Variants in USP7 observed in about 807,000 individuals in gnomAD.
USP7 encodes ubiquitin C-terminal hydrolase 7.
A neutral mutation model predicts 162.9 loss-of-function variants in USP7; 9 were observed. That is an observed-to-expected ratio of 0.06 (90% CI 0.03 to 0.10). The LOEUF is 0.10. Ranked by LOEUF, USP7 falls within the 10% of genes least tolerant of loss-of-function variation. USP7 has a pLI of 1.00. For synonymous variants in USP7, 562 were observed against 475.9 expected, an observed-to-expected ratio of 1.18 and a Z score of -2.35; for missense variants, 715 against 1,373.7, an observed-to-expected ratio of 0.52 and a Z score of 7.58.
At chr16:8,918,792 G>C (rs765137683) in intron 6 of USP7, among the ~76,000 whole-genome samples, 1 of 152,194 alleles carries the variant, frequency 6.6e-6, no homozygotes, top group Non-Finnish European at 1.5e-5. Flanking sequence ...CTGGGCGACA[G>C]AGCAAGACTC....
intron 1 of USP7, among the ~76,000 whole-genome samples, chr16:8,946,405 A>G (rs963804059): frequency 6.6e-6 from 1 of 152,192 alleles, no homozygotes; most frequent in African/African-American, 2.4e-5. Context: ...ATATGGTGAA[A>G]CCGCATCTCT....
At chr16:8,929,301 C>T (rs939809777) in intron 2 of USP7, 1 of 354,260 alleles carries the variant, frequency 2.8e-6, no homozygotes, top group African/African-American at 2.2e-5. Flanking sequence ...CACACCATTG[C>T]CCTCGTCTAC....
At chr16:8,919,244 C>T (rs1897543573) in intron 5 of USP7, 105 bp from the exon 6 acceptor site, 1 of 1,070,626 alleles carries the variant, frequency 9.3e-7, no homozygotes, top group African/African-American at 1.6e-5. Context: ...AAACCGAGGC[C>T]AGGAACACTT....
At chr16:8,900,652 T>A in intron 20 of USP7, 22 bp from the exon 21 acceptor site, 1 of 1,561,068 alleles carries the variant, frequency 6.4e-7, no homozygotes, top group Non-Finnish European at 8.8e-7. Flanking sequence ...GATATAAAAT[T>A]GTTACACTGC....
Position 8,902,204 on chromosome 16 carries a change from C to T in USP7, c.1942-17G>A, listed in dbSNP as rs751231306. 41 of 1,612,678 alleles carry T rather than the reference C, an allele frequency of 2.5e-5. No individual in the cohort carries two copies. The highest frequency in any genetic ancestry group is 1.2e-4 in the African/African-American group (9 of 74,834). ...CTCAATCATCTATTTCCAAAAGAGA[C>T]GCTGATTTTAGAAGAGTCTAATGGC... is the stretch of plus-strand genomic sequence containing the variant. On this transcript the variant is annotated splice_polypyrimidine_tract_variant and intron_variant, in intron 17 of 30. Coordinates refer to ENST00000344836, the MANE Select transcript of USP7 (RefSeq NM_003470.3).
chr16:8,928,064 A>G (rs146543831), intron 2 of USP7, among the ~76,000 whole-genome samples: 2 of 152,366 alleles, frequency 1.3e-5, no homozygotes, highest in East Asian at 3.9e-4. Context: ...GAATGAGTAG[A>G]TACAGTAAAA....
chr16:8,942,410 T>C (rs1176506409), intron 1 of USP7, among the ~76,000 whole-genome samples: 1 of 152,194 alleles, frequency 6.6e-6, no homozygotes, highest in Non-Finnish European at 1.5e-5. Flanking sequence ...ACAAGCTCCT[T>C]TGCTGTTCTG....
intron 1 of USP7, among the ~76,000 whole-genome samples, chr16:8,951,589 G>A (rs1194274881): frequency 1.3e-5 from 2 of 152,308 alleles, no homozygotes; most frequent in East Asian, 1.9e-4. Context: ...GGATGACTGA[G>A]GACCTGAGCG....
At chr16:8,936,754 T>C in intron 1 of USP7, 1 of 1,340,258 alleles carries the variant, frequency 7.5e-7, no homozygotes, top group Non-Finnish European at 9.6e-7. Flanking sequence ...AAGCCTTGTC[T>C]TTAGGACCAG....
Position 8,921,330 on chromosome 16 carries a change from T to C in USP7, c.384-35A>G. 3.1e-6 allele frequency: 5 copies of C among 1,601,978 alleles called. No homozygotes were observed. The East Asian group carries it at 6.7e-5, about 22-fold the overall frequency. ...AGAATAATCTGAGCCTTAGTTGACA[T>C]TATTTACCAGATGTTATACATTTTT... On this transcript the variant is annotated intron_variant, in intron 3 of 30. Transcript: ENST00000344836.
intron 16 of USP7, 42 bp from the exon 17 acceptor site, chr16:8,902,524 C>T: frequency 6.5e-7 from 1 of 1,537,576 alleles, no homozygotes; most frequent in South Asian, 1.1e-5. Flanking sequence ...AAAACACGCT[C>T]ATATTTTAGT....
chr16:8,911,425 C>A (rs1351174058), intron 10 of USP7, among the ~76,000 whole-genome samples: 3 of 152,346 alleles, frequency 2.0e-5, no homozygotes, highest in Admixed American at 6.5e-5. Context: ...AAAGGGCGAG[C>A]CACATGCTGA....
chr16:8,904,948 G>GGCGCGCCACTTGCACTCCAGTCTT (rs1332843190), intron 14 of USP7, among the ~76,000 whole-genome samples: 1 of 152,072 alleles, frequency 6.6e-6, no homozygotes, highest in Admixed American at 6.6e-5. Flanking sequence ...CTCCAGCCTG[G>GGCGCGCCACTTGCACTCCAGTCTT]GCAAGAGCAA....
chr16:8,902,495 T>C lies in USP7; in HGVS notation c.1840-13A>G. Reference sequence around the variant, plus strand: ...CTTGTGGAAATCCCTGAAAAAAATATTAAGAGTAGATTAAAATAAAAACAC... The same window carrying C: ...CTTGTGGAAATCCCTGAAAAAAATACTAAGAGTAGATTAAAATAAAAACAC... On this transcript the variant is annotated splice_polypyrimidine_tract_variant and intron_variant, in intron 16 of 30. Transcript: ENST00000344836. 6.2e-7 allele frequency: 1 copy of C among 1,609,290 alleles called. No homozygotes were observed.
chr16:8,899,902 A>G (rs1245752491), intron 21 of USP7, 145 bp from the exon 22 acceptor site: 1 of 966,746 alleles, frequency 1.0e-6, no homozygotes, highest in Non-Finnish European at 1.6e-6. Context: ...GGGGCCAGGC[A>G]TCTGCCTGAG....
At chr16:8,925,604 C>T (rs79832036) in intron 2 of USP7, among the ~76,000 whole-genome samples, 179 of 152,276 alleles carry the variant, frequency 1.2e-3, no homozygotes, top group African/African-American at 4.1e-3. Context: ...TTGAAGTTTG[C>T]ACTTGGTTCA....
At chr16:8,955,172 T>C (rs181090418) in intron 1 of USP7, among the ~76,000 whole-genome samples, 1 of 152,240 alleles carries the variant, frequency 6.6e-6, no homozygotes, top group East Asian at 1.9e-4. Flanking sequence ...AATTTTACAT[T>C]TGTTGTATTT....
chr16:8,962,405 A>C, intron 1 of USP7: 1 of 352,708 alleles, frequency 2.8e-6, no homozygotes, highest in Middle Eastern at 3.8e-4. Flanking sequence ...CAACCTTTAC[A>C]ACCAAGACTC....
intron 2 of USP7, among the ~76,000 whole-genome samples, chr16:8,926,536 T>C (rs1298947037): frequency 2.6e-5 from 4 of 152,064 alleles, no homozygotes; most frequent in African/African-American, 4.8e-5. Context: ...ACTTGGAAAT[T>C]AGCTTTCACA....
Sources: allele counts gnomAD v4.1 joint callset (sites outside exome capture counted in the v4.1 genomes callset), GRCh38; gene constraint gnomAD v4.1.1; transcripts MANE v1.5; gene names NCBI Gene and HGNC (gene_info 2026-07-23, HGNC 2026-07-21).